The following PAK2 variants were observed in gnomAD, a reference collection of about 807,000 sequenced individuals.
The protein encoded by PAK2 is p21 (RAC1) activated kinase 2, also known as serine/threonine-protein kinase PAK 2.
In PAK2, 21 loss-of-function variants were observed where a neutral mutation model predicts 65.9. The ratio of observed to expected loss-of-function variants is 0.32; its 90% CI spans 0.23 to 0.46. The LOEUF (loss-of-function observed/expected upper bound fraction) is 0.46, where lower values mean the gene tolerates loss of function less well. Ranked by LOEUF, PAK2 falls within the 20% of genes least tolerant of loss-of-function variation. The pLI is 1.00. For synonymous variants in PAK2, 204 were observed against 219.7 expected, an observed-to-expected ratio of 0.93 and a Z score of 0.63; for missense variants, 324 against 642.6, an observed-to-expected ratio of 0.50 and a Z score of 5.36.
At chr3:196,815,145 A>G (rs1044285471) in intron 11 of PAK2, among the ~76,000 whole-genome samples, 2 of 151,456 alleles carry the variant, frequency 1.3e-5, no homozygotes, top group African/African-American at 2.4e-5. Flanking sequence ...ACACCACTGC[A>G]CTCCAGCCTG....
intron 1 of PAK2, among the ~76,000 whole-genome samples, chr3:196,759,674 G>A (rs1160405824): frequency 1.3e-5 from 2 of 151,306 alleles, no homozygotes; most frequent in South Asian, 2.1e-4. Context: ...CTACAGGCAC[G>A]CACCACCACG....
At chr3:196,745,154 C>T (rs1369498634) in intron 1 of PAK2, among the ~76,000 whole-genome samples, 1 of 147,302 alleles carries the variant, frequency 6.8e-6, no homozygotes, top group Non-Finnish European at 1.5e-5. Context: ...CTCACTCTGT[C>T]ACTCAGGCTG....
chr3:196,806,721 G>A, intron 6 of PAK2, 35 bp downstream of exon 6: 1 of 1,202,282 alleles, frequency 8.3e-7, no homozygotes, highest in South Asian at 1.2e-5. Context: ...CTGTGTGTGT[G>A]CACGTGTGTT....
intron 1 of PAK2, among the ~76,000 whole-genome samples, chr3:196,749,481 C>T (rs1713499054): frequency 6.6e-6 from 1 of 152,124 alleles, no homozygotes; most frequent in Non-Finnish European, 1.5e-5. Flanking sequence ...TTGCATTTCT[C>T]TAGCAGTTAG....
chr3:196,772,083 C>T (rs572779145), intron 1 of PAK2, among the ~76,000 whole-genome samples: 1 of 152,262 alleles, frequency 6.6e-6, no homozygotes, highest in African/African-American at 2.4e-5. Context: ...CATTCCATAT[C>T]TGTGTTTTTC....
chr3:196,825,535 C>T (rs1159048593), intron 13 of PAK2, among the ~76,000 whole-genome samples: 2 of 151,840 alleles, frequency 1.3e-5, no homozygotes, highest in African/African-American at 2.4e-5. Flanking sequence ...CCCAGCTACT[C>T]GGAAGGCTGA....
At chr3:196,776,816 A>T (rs774253311) in intron 1 of PAK2, among the ~76,000 whole-genome samples, 43 of 152,228 alleles carry the variant, frequency 2.8e-4, no homozygotes, top group African/African-American at 1.0e-3. Flanking sequence ...GTACAAGAAG[A>T]TTCATTGCTG....
At chr3:196,810,467 A>C in intron 7 of PAK2, 123 bp from the exon 8 acceptor site, 2 of 679,740 alleles carry the variant, frequency 2.9e-6, no homozygotes, top group Non-Finnish European at 5.2e-6. Flanking sequence ...TATTTTTGGA[A>C]CTTAGTATTA....
intron 1 of PAK2, among the ~76,000 whole-genome samples, chr3:196,774,431 GT>G (rs1714471567): frequency 6.6e-6 from 1 of 152,162 alleles, no homozygotes; most frequent in South Asian, 2.1e-4. Flanking sequence ...TGTAACTCGA[GT>G]TTAGAGGATG....
intron 1 of PAK2, among the ~76,000 whole-genome samples, chr3:196,770,265 G>GTA (rs528493415): frequency 1.3e-5 from 2 of 151,890 alleles, no homozygotes; most frequent in African/African-American, 2.4e-5. Context: ...TCCATTAAAA[G>GTA]TATATATATA....
chr3:196,750,535 T>C (rs565587406), intron 1 of PAK2, among the ~76,000 whole-genome samples: 25 of 152,214 alleles, frequency 1.6e-4, no homozygotes, highest in Non-Finnish European at 3.2e-4. Context: ...TGTACGATCA[T>C]GATTTAACAT....
intron 2 of PAK2, among the ~76,000 whole-genome samples, chr3:196,799,337 G>A (rs1290165788): frequency 6.6e-6 from 1 of 152,180 alleles, no homozygotes; most frequent in Admixed American, 6.5e-5. Context: ...TGATGAAACA[G>A]TGTGCGCTCT....
chr3:196,825,599 T>C (rs114780449), intron 13 of PAK2, among the ~76,000 whole-genome samples: 5,072 of 152,086 alleles, frequency 0.033, 272 homozygotes, highest in African/African-American at 0.11. Flanking sequence ...GCTGAGATCG[T>C]GCCATTGCAT....
rs200556295 is a variant in PAK2, at chr3:196,808,954, A to G, written c.709+1040A>G. ...TATGGAAGGATTGTTTTAAACATAA[A>G]GCCTGGGCATAGTGGCTCAAACCTA... On this transcript the variant is annotated intron_variant, in intron 7 of 14. Coordinates refer to ENST00000327134, the MANE Select transcript of PAK2 (RefSeq NM_002577.4). Among the ~76,000 whole-genome samples the G allele has an allele frequency of 1.6e-4, 25 of 151,842 alleles. No homozygotes were observed. The East Asian group carries it at 4.3e-3, about 26-fold the overall frequency.
chr3:196,811,916 C>G (rs1435073121), intron 8 of PAK2, among the ~76,000 whole-genome samples: 2 of 152,032 alleles, frequency 1.3e-5, no homozygotes, highest in African/African-American at 2.4e-5. Context: ...AAATTATTTA[C>G]AGTTATTTGT....
Position 196,788,204 on chromosome 3 carries a change from C to T in PAK2, c.187+5371C>T, listed in dbSNP as rs115023340. 8.9e-4 allele frequency among the ~76,000 whole-genome samples: 136 copies of T among 152,294 alleles called. 1 individual carries two copies. The highest frequency in any genetic ancestry group is 3.2e-3 in the African/African-American group (133 of 41,570). On this transcript the variant is annotated intron_variant, in intron 2 of 14. Transcript: ENST00000327134. Reference sequence around the variant, plus strand: ...AGAGAACTTCAGTATGTGCTCAGTACATCATCTTGAAACAGAAGAGTCTAA... The same window carrying T: ...AGAGAACTTCAGTATGTGCTCAGTATATCATCTTGAAACAGAAGAGTCTAA...
intron 2 of PAK2, among the ~76,000 whole-genome samples, chr3:196,788,257 T>A (rs1435055756): frequency 6.6e-6 from 1 of 152,232 alleles, no homozygotes; most frequent in Non-Finnish European, 1.5e-5. Context: ...TTCCATTTTT[T>A]AAAAATCATA....
At chr3:196,746,128 C>A (rs1713370274) in intron 1 of PAK2, among the ~76,000 whole-genome samples, 1 of 152,072 alleles carries the variant, frequency 6.6e-6, no homozygotes, top group Non-Finnish European at 1.5e-5. Flanking sequence ...CAGCCCTTAA[C>A]CCTGTTTTAG....
intron 1 of PAK2, among the ~76,000 whole-genome samples, chr3:196,770,147 C>T (rs1472621193): frequency 6.6e-6 from 1 of 151,812 alleles, no homozygotes; most frequent in Non-Finnish European, 1.5e-5. Flanking sequence ...GTTCCAGCTA[C>T]TTAGGAGGCT....
Sources: gnomAD v4.1 joint callset for allele counts (sites outside exome capture counted in the v4.1 genomes callset) on GRCh38, gnomAD v4.1.1 for gene constraint, MANE v1.5 for transcripts, NCBI Gene and HGNC (gene_info 2026-07-23, HGNC 2026-07-21) for gene names.